SMIM43: variants seen among roughly 807,000 people sequenced by gnomAD.
The protein encoded by SMIM43 is Nodal Enhanced MEsendoderm Peptide.
intron 2 of SMIM43, among the ~76,000 whole-genome samples, chr4:121,763,496 G>T (rs545192767): frequency 1.1e-4 from 17 of 152,050 alleles, no homozygotes; most frequent in Admixed American, 8.5e-4. Flanking sequence ...TTTCAAAAGG[G>T]CCGAATGATT....
chr4:121,763,339 T>C (rs1726168644), intron 2 of SMIM43, among the ~76,000 whole-genome samples: 1 of 152,228 alleles, frequency 6.6e-6, no homozygotes, highest in Non-Finnish European at 1.5e-5. Context: ...CCTCTCTATA[T>C]GGTCTTTGTG....
Position 121,760,489 on chromosome 4 carries a change from C to T in SMIM43, c.*500-15G>A, listed in dbSNP as rs1726001936. 6.6e-7 allele frequency: 1 copy of T among 1,523,340 alleles called. No individual in the cohort carries two copies. The highest frequency in any genetic ancestry group is 1.4e-5 in the African/African-American group (1 of 71,312). 94.4% of individuals were successfully genotyped at this position (1,523,340 alleles called of 1,614,324 possible). ...CATCTTGGAACCTGGAGGAAAAAGC[C>T]AAGGGAACCTCAGCAGCCACCTTAA... On this transcript the variant is annotated splice_polypyrimidine_tract_variant and intron_variant, in intron 5 of 5. Coordinates refer to ENST00000643802, the MANE Select transcript of SMIM43 (RefSeq NM_001384332.1).
chr4:121,763,552 T>C (rs919757222), intron 2 of SMIM43, among the ~76,000 whole-genome samples: 2 of 152,162 alleles, frequency 1.3e-5, no homozygotes, highest in Non-Finnish European at 2.9e-5. Context: ...ATTTCCACAA[T>C]CCTCTACTAA....
chr4:121,763,425 C>G (rs1483507323), intron 2 of SMIM43, among the ~76,000 whole-genome samples: 2 of 152,138 alleles, frequency 1.3e-5, no homozygotes, highest in Admixed American at 1.3e-4. Flanking sequence ...CCAAATCTTC[C>G]CTTACTGAAG....
At position 121,760,151 on chromosome 4, in the gene SMIM43, A is replaced by G. The variant is rs1009315344; in HGVS notation, c.*823T>C. The stretch of plus-strand genomic sequence containing the variant: ...TAGAGTTTTGATCTTTTTGAACTTT[A>G]TGCTCCTCTGCAACTGTATTCTGTA... On this transcript the variant is annotated 3_prime_UTR_variant, in exon 6 of 6. Transcript: ENST00000643802. 1.5e-6 allele frequency: 2 copies of G among 1,314,532 alleles called. No homozygotes were observed. The highest frequency in any genetic ancestry group is 2.1e-6 in the Non-Finnish European group (2 of 970,854). 81.4% of individuals were successfully genotyped at this position (1,314,532 alleles called of 1,614,324 possible). A position where few individuals can be genotyped will look rare whatever the true frequency, so the allele number is the denominator to read the frequency against.
chr4:121,763,489 C>T (rs1396848094), intron 2 of SMIM43, among the ~76,000 whole-genome samples: 1 of 152,156 alleles, frequency 6.6e-6, no homozygotes, highest in Admixed American at 6.5e-5. Flanking sequence ...CACTGTTTTT[C>T]AAAAGGGCCG....
intron 2 of SMIM43, among the ~76,000 whole-genome samples, chr4:121,763,372 C>T (rs1037657144): frequency 2.6e-5 from 4 of 152,126 alleles, no homozygotes; most frequent in African/African-American, 7.2e-5. Flanking sequence ...ATTTTCAATA[C>T]TATAGTTATG....
At position 121,764,930 on chromosome 4, in the gene SMIM43, C is replaced by T. The variant is rs1340917012; in HGVS notation, c.176G>A (p.Arg59Gln). ...SVHREPWGFS[R>Q]EQAV ...GCACTCGGGTCACACCGCTTGCTCT[C>T]GGGAGAAGCCCCAAGGCTCGCGGTG... Residue 59 changes from arginine to glutamine, a missense_variant, in exon 1 of 6, where the codon CGA (arginine) becomes CAA (glutamine). Arg to Gln is a conservative substitution (Grantham distance 43). Transcript: ENST00000643802. 5.0e-6 allele frequency: 2 copies of T among 398,382 alleles called. No homozygotes were observed. The highest frequency in any genetic ancestry group is 8.9e-6 in the Non-Finnish European group (2 of 225,668). 24.7% of individuals were successfully genotyped at this position (398,382 alleles called of 1,614,324 possible). A position where few individuals can be genotyped will look rare whatever the true frequency, so the allele number is the denominator to read the frequency against.
At chr4:121,764,667 T>G (rs914076139) in intron 1 of SMIM43, 150 bp downstream of exon 1, 2 of 376,622 alleles carry the variant, frequency 5.3e-6, no homozygotes, top group East Asian at 3.8e-5. Context: ...AGGGTCCCTC[T>G]CGAAGAGCAC....
chr4:121,763,309 T>C (rs1726166691), intron 2 of SMIM43, among the ~76,000 whole-genome samples: 2 of 152,198 alleles, frequency 1.3e-5, no homozygotes, highest in Non-Finnish European at 2.9e-5. Context: ...AGGCAAACTT[T>C]AGTATTTCAT....
rs773820874 is a variant in SMIM43, at chr4:121,761,894, T to C, written c.*279-2A>G. 6.2e-7 allele frequency: 1 copy of C among 1,600,626 alleles called. No homozygotes were observed. Among genetic ancestry groups the C allele is most frequent in the Non-Finnish European group, 8.5e-7 (1 of 1,173,936 alleles). On this transcript the variant is annotated splice_acceptor_variant, in intron 3 of 5. Coordinates refer to ENST00000643802, the MANE Select transcript of SMIM43 (RefSeq NM_001384332.1). LOFTEE classifies it low-confidence loss of function (3UTR_SPLICE). Reference sequence around the variant, plus strand: ...AAGATCTGAAGCCATTTTGAACACCTGAAATTTAGAAACAATGATGAAATA... The same window carrying C: ...AAGATCTGAAGCCATTTTGAACACCCGAAATTTAGAAACAATGATGAAATA...
intron 2 of SMIM43, among the ~76,000 whole-genome samples, chr4:121,763,194 T>G (rs995418562): frequency 3.9e-5 from 6 of 152,192 alleles, no homozygotes; most frequent in Non-Finnish European, 8.8e-5. Context: ...AAATAGAAAG[T>G]GGGAAATTAT....
Position 121,760,367 on chromosome 4 carries a change from C to T in SMIM43, c.*607G>A. On this transcript the variant is annotated 3_prime_UTR_variant, in exon 6 of 6. Coordinates refer to ENST00000643802, the MANE Select transcript of SMIM43 (RefSeq NM_001384332.1). ...TGAGATGAAGGCAAAAGTTATTGGG[C>T]TGCTGAGGAAGCTCTTTAAAAGGAA... 6.2e-7 allele frequency: 1 copy of T among 1,612,130 alleles called. No homozygotes were observed. Among genetic ancestry groups the T allele is most frequent in the Non-Finnish European group, 8.5e-7 (1 of 1,178,980 alleles).
intron 1 of SMIM43, chr4:121,764,096 T>C (rs969374309): frequency 1.9e-4 from 29 of 152,426 alleles, no homozygotes; most frequent in African/African-American, 6.3e-4. Context: ...CTCTTTTAGC[T>C]GGCCCTCCAT....
rs1725992626 is a variant in SMIM43, at chr4:121,760,390, G to A, written c.*584C>T. On this transcript the variant is annotated 3_prime_UTR_variant, in exon 6 of 6. Transcript: ENST00000643802. ...GGCTGCTGAGGAAGCTCTTTAAAAG[G>A]AAGTGGATTTGAACTGGCATGCCCC... The A allele has an allele frequency of 6.3e-7, 1 of 1,599,256 alleles. No individual in the cohort carries two copies. The highest frequency in any genetic ancestry group is 1.7e-5 in the Admixed American group (1 of 57,404).
chr4:121,761,970 T>C (rs1158316378), intron 3 of SMIM43, 78 bp from the exon 4 acceptor site: 2 of 1,234,160 alleles, frequency 1.6e-6, no homozygotes, highest in East Asian at 5.3e-5. Context: ...TATGGCTCAT[T>C]TCCTTATAAT....
chr4:121,760,546 G>C (rs1726005126), intron 5 of SMIM43, 72 bp from the exon 6 acceptor site: 1 of 1,443,786 alleles, frequency 6.9e-7, no homozygotes, highest in Non-Finnish European at 9.1e-7. Flanking sequence ...TGCTGAACCA[G>C]CACCAGCAGC....
At chr4:121,762,074 A>G (rs1726102125) in intron 3 of SMIM43, among the ~76,000 whole-genome samples, 182 bp from the exon 4 acceptor site, 1 of 152,236 alleles carries the variant, frequency 6.6e-6, no homozygotes, top group South Asian at 2.1e-4. Flanking sequence ...TAATCAAGTT[A>G]CATTTATATA....
rs946670939 is a variant in SMIM43, at chr4:121,762,735, T to C, written c.*270A>G. On this transcript the variant is annotated 3_prime_UTR_variant, in exon 3 of 6. Coordinates refer to ENST00000643802, the MANE Select transcript of SMIM43 (RefSeq NM_001384332.1). ...GGTAATAAACTACTCACCCTGACTT[T>C]TCAATAGTCTCTTGTTTAGGAAGAA... 1.3e-5 allele frequency: 2 copies of C among 152,204 alleles called. No individual in the cohort carries two copies. The highest frequency in any genetic ancestry group is 4.8e-5 in the African/African-American group (2 of 41,444). 9.4% of individuals were successfully genotyped at this position (152,204 alleles called of 1,614,324 possible). A position where few individuals can be genotyped will look rare whatever the true frequency, so the allele number is the denominator to read the frequency against.
Sources: allele counts gnomAD v4.1 joint callset (sites outside exome capture counted in the v4.1 genomes callset), GRCh38; gene constraint gnomAD v4.1.1; transcripts MANE v1.5; gene names NCBI Gene and HGNC (gene_info 2026-07-23, HGNC 2026-07-21).